DYNC1H1: variants seen among roughly 807,000 people sequenced by gnomAD.
DYNC1H1 encodes the protein dynein cytoplasmic 1 heavy chain 1, also known as cytoplasmic dynein 1 heavy chain 1.
In DYNC1H1, 51 loss-of-function variants were observed where a neutral mutation model predicts 527.1. That is an observed-to-expected ratio of 0.10 (90% CI 0.08 to 0.12). The LOEUF is 0.12. Among genes scored for constraint, DYNC1H1 ranks in the 10% least tolerant of loss-of-function variants. The pLI is 1.00. For synonymous variants in DYNC1H1, 2,189 were observed against 2,278.8 expected, an observed-to-expected ratio of 0.96 and a Z score of 1.12; for missense variants, 2,771 against 5,971.8, an observed-to-expected ratio of 0.46 and a Z score of 17.66.
intron 1 of DYNC1H1, among the ~76,000 whole-genome samples, chr14:101,967,168 C>G (rs1384519060): frequency 1.3e-5 from 2 of 152,010 alleles, no homozygotes; most frequent in African/African-American, 2.4e-5. Flanking sequence ...CACTAGGACA[C>G]CTTAGATATA....
rs544682604 is a variant in DYNC1H1, at chr14:102,044,830, G to A, written c.13006+132G>A. ...CCAGGGCCCTCCCTGGTTATGCTGG[G>A]TGTGGCTCTGTCAGCCTCGGCCTTC... On this transcript the variant is annotated intron_variant, in intron 72 of 77. Coordinates refer to ENST00000360184, the MANE Select transcript of DYNC1H1 (RefSeq NM_001376.5). The surrounding 1 kb of genome is among the most constrained non-coding windows in gnomAD (Gnocchi z 7.1). 2.8e-4 allele frequency: 293 copies of A among 1,063,458 alleles called. No individual in the cohort carries two copies. The highest frequency in any genetic ancestry group is 3.9e-4 in the Non-Finnish European group (284 of 719,796). 65.9% of individuals were successfully genotyped at this position (1,063,458 alleles called of 1,614,324 possible).
Position 102,017,125 on chromosome 14 carries a change from A to G in DYNC1H1, c.7886A>G (p.Glu2629Gly). ...AACTTCTCCAGTGCTACTACTCCAG[A>G]GCTGCTTCTGAAGACTTTTGATCAC... ...GLNFSSATTP[E>G]LLLKTFDHYC... Residue 2629 changes from glutamate to glycine, a missense_variant, in exon 39 of 78, where the codon GAG (glutamate) becomes GGG (glycine). Physicochemically the swap from Glu to Gly is moderately conservative, Grantham distance 98. Coordinates refer to ENST00000360184, the MANE Select transcript of DYNC1H1 (RefSeq NM_001376.5). The surrounding 1 kb of genome is among the most constrained non-coding windows in gnomAD (Gnocchi z 4.6). 6.2e-7 allele frequency: 1 copy of G among 1,614,220 alleles called. No individual in the cohort carries two copies. Among genetic ancestry groups the G allele is most frequent in the South Asian group, 1.1e-5 (1 of 91,080 alleles).
At chr14:102,007,584 G>A (rs547986050) in intron 28 of DYNC1H1, among the ~76,000 whole-genome samples, 3 of 152,212 alleles carry the variant, frequency 2.0e-5, no homozygotes, top group South Asian at 2.1e-4. Flanking sequence ...CACCTGAGGC[G>A]TGACTCTAAT....
intron 64 of DYNC1H1, 21 bp downstream of exon 64, chr14:102,040,694 C>T (rs1220213045): frequency 3.7e-6 from 6 of 1,613,932 alleles, no homozygotes; most frequent in Admixed American, 1.7e-5. Flanking sequence ...CTGTGGTTTT[C>T]TTTCTGGACC....
chr14:102,006,857 C>G, intron 27 of DYNC1H1, 151 bp from the exon 28 acceptor site: 1 of 773,532 alleles, frequency 1.3e-6, no homozygotes, highest in Non-Finnish European at 2.2e-6. Context: ...GCCTCGGCCT[C>G]CCGAAGTGCT....
chr14:101,982,017 G>A (rs117214379), intron 5 of DYNC1H1, among the ~76,000 whole-genome samples: 1 of 152,306 alleles, frequency 6.6e-6, no homozygotes, highest in East Asian at 1.9e-4. Context: ...GGCCTGTTGG[G>A]AACCAGGCTG....
In DYNC1H1 at chr14:102,001,753, G is replaced by A; in HGVS notation, c.4542+72G>A. 6.3e-7 allele frequency: 1 copy of A among 1,597,558 alleles called. No homozygotes were observed. Among genetic ancestry groups the A allele is most frequent in the Non-Finnish European group, 8.6e-7 (1 of 1,167,390 alleles). The stretch of plus-strand genomic sequence containing the variant: ...GCTTTCACTGTAATGCCTTTTCACT[G>A]ACAGTTACTAGGTACCTGTTTTTTA... On this transcript the variant is annotated intron_variant, in intron 21 of 77. Coordinates refer to ENST00000360184, the MANE Select transcript of DYNC1H1 (RefSeq NM_001376.5). The surrounding 1 kb of genome is among the most constrained non-coding windows in gnomAD (Gnocchi z 5.0).
In DYNC1H1 at chr14:102,051,036, G is replaced by T. The variant is rs534258084; in HGVS notation, c.*473G>T. Reference sequence around the variant, plus strand: ...GGCACCATGGTTCACACCTTTAATCGCAGCACTTTGGGAGTCTGGGAGTTA... The same window carrying T: ...GGCACCATGGTTCACACCTTTAATCTCAGCACTTTGGGAGTCTGGGAGTTA... On this transcript the variant is annotated 3_prime_UTR_variant, in exon 78 of 78. Coordinates refer to ENST00000360184, the MANE Select transcript of DYNC1H1 (RefSeq NM_001376.5). 4.3e-6 allele frequency: 1 copy of T among 233,782 alleles called. No individual in the cohort carries two copies. Among genetic ancestry groups the T allele is most frequent in the Non-Finnish European group, 8.5e-6 (1 of 117,770 alleles). The allele number at this position is 233,782 out of a possible 1,614,324, so 14.5% of individuals were successfully genotyped here. A position where few individuals can be genotyped will look rare whatever the true frequency, so the allele number is the denominator to read the frequency against.
chr14:102,003,923 C>T (rs901273252), intron 23 of DYNC1H1, among the ~76,000 whole-genome samples: 4 of 148,864 alleles, frequency 2.7e-5, no homozygotes, highest in African/African-American at 9.9e-5. Flanking sequence ...AAGACTCCAT[C>T]TCAAAAAATA....
At chr14:102,008,054 C>T (rs2048217449) in intron 28 of DYNC1H1, 124 bp from the exon 29 acceptor site, 1 of 1,378,836 alleles carries the variant, frequency 7.3e-7, no homozygotes, top group Non-Finnish European at 1.0e-6. Flanking sequence ...TCCTTACACG[C>T]TCTTTCGCTA....
At chr14:102,006,481 C>T (rs188080497) in intron 27 of DYNC1H1, among the ~76,000 whole-genome samples, 1 of 152,120 alleles carries the variant, frequency 6.6e-6, no homozygotes, top group East Asian at 1.9e-4. Context: ...GACCCCCTCA[C>T]CTTGGCCTCC....
At chr14:102,022,724 T>G in intron 42 of DYNC1H1, 27 bp from the exon 43 acceptor site, 2 of 1,613,814 alleles carry the variant, frequency 1.2e-6, no homozygotes, top group Non-Finnish European at 1.7e-6. Flanking sequence ...TCTAGTTACC[T>G]AAATGCACAT....
chr14:102,004,223 G>A (rs368537057), intron 23 of DYNC1H1, among the ~76,000 whole-genome samples: 11 of 151,410 alleles, frequency 7.3e-5, no homozygotes, highest in Middle Eastern at 6.8e-3. Flanking sequence ...CAGCCTGGGC[G>A]ACAGAGCAAG....
chr14:102,046,910 C>G (rs1404024870), intron 72 of DYNC1H1, among the ~76,000 whole-genome samples: 5 of 152,130 alleles, frequency 3.3e-5, no homozygotes, highest in Admixed American at 3.3e-4. Flanking sequence ...GCGATCCCCC[C>G]ACCTCAGCCT....
chr14:101,999,997 T>A lies in DYNC1H1; in HGVS notation c.3813T>A (p.Leu1271=). ...WEKTKPVTGN[L]RPEEALQALT... ...GCTCTGACTGCTTTCAGGGCAACCT[T>A]CGCCCAGAAGAGGCACTTCAGGCTC... is the stretch of plus-strand genomic sequence containing the variant. The change falls in exon 17 of 78, where the codon CTT becomes CTA. Residue 1271 remains leucine, a synonymous_variant. Transcript: ENST00000360184. 1 of 1,614,210 alleles carries A rather than the reference T, an allele frequency of 6.2e-7. No individual in the cohort carries two copies. The highest frequency in any genetic ancestry group is 8.5e-7 in the Non-Finnish European group (1 of 1,180,044).
rs540631809 is a variant in DYNC1H1 at position 101,976,967 on chromosome 14, G to A, written c.344+1168G>A. ...AAAGTATGCTGGAGGATGTGCATAG[G>A]TTATATGCAAATACTGTGCCATTTT... is the stretch of plus-strand genomic sequence containing the variant. On this transcript the variant is annotated intron_variant, in intron 2 of 77. Transcript: ENST00000360184. 5.9e-5 allele frequency among the ~76,000 whole-genome samples: 9 copies of A among 152,292 alleles called. No homozygotes were observed. The South Asian group carries it at 1.9e-3, about 32-fold the overall frequency.
At position 102,012,212 on chromosome 14, in the gene DYNC1H1, C is replaced by G. The variant is rs1228724400; in HGVS notation, c.6857+99C>G. Reference sequence around the variant, plus strand: ...GTATACGTTATTTTTCAACCAAAGTCTGAGCAAATTAAAGGTCATTTCAGA... The same window carrying G: ...GTATACGTTATTTTTCAACCAAAGTGTGAGCAAATTAAAGGTCATTTCAGA... On this transcript the variant is annotated intron_variant, in intron 33 of 77. Coordinates refer to ENST00000360184, the MANE Select transcript of DYNC1H1 (RefSeq NM_001376.5). This position sits in a 1 kb window ranked among gnomAD's most constrained non-coding sequence, Gnocchi z 4.9. The G allele has an allele frequency of 2.5e-6, 4 of 1,611,798 alleles. No individual in the cohort carries two copies. The highest frequency in any genetic ancestry group is 2.7e-5 in the African/African-American group (2 of 74,982).
In DYNC1H1 at chr14:102,002,651, G is replaced by A. The variant is rs767868450; in HGVS notation, c.4657G>A (p.Gly1553Ser). 4.3e-6 allele frequency: 7 copies of A among 1,614,206 alleles called. No individual in the cohort carries two copies. Among genetic ancestry groups the A allele is most frequent in the Non-Finnish European group, 5.9e-6 (7 of 1,180,052 alleles). Residue 1553 changes from glycine (G) to serine (S), a missense_variant, in exon 22 of 78, where the codon GGC becomes AGC. By Grantham distance (56) the Gly-to-Ser change is moderately conservative. Transcript: ENST00000360184. The surrounding 1 kb of genome is among the most constrained non-coding windows in gnomAD (Gnocchi z 4.4). ...RWVYLEGIFT[G>S]SADIKHLLPV... ...GGTCTACCTGGAAGGTATCTTCACA[G>A]GCAGTGCAGATATCAAGCACCTGCT...
At chr14:102,032,534 G>A in intron 52 of DYNC1H1, 67 bp downstream of exon 52, 1 of 1,597,106 alleles carries the variant, frequency 6.3e-7, no homozygotes, top group African/African-American at 1.3e-5. Context: ...AGGCACGGTG[G>A]CTCACGCCTC....
Sources: allele counts gnomAD v4.1 joint callset (sites outside exome capture counted in the v4.1 genomes callset), GRCh38; gene constraint gnomAD v4.1.1; non-coding constraint Gnocchi (gnomAD v3.1); transcripts MANE v1.5; gene names NCBI Gene and HGNC (gene_info 2026-07-23, HGNC 2026-07-21).